Variants in GRID2 observed in about 807,000 individuals in gnomAD.
The protein encoded by GRID2 is glutamate ionotropic receptor delta type subunit 2.
GRID2 carries 33 observed loss-of-function variants against 114.8 expected under a neutral mutation model. That is an observed-to-expected ratio of 0.29 (90% confidence interval 0.22 to 0.38). The LOEUF (loss-of-function observed/expected upper bound fraction) is 0.38, where lower values mean the gene tolerates loss of function less well. GRID2 is among the 10% of genes least tolerant of loss of function. GRID2 has a pLI of 1.00. For missense variants in GRID2, 1,184 were observed against 1,257.7 expected, an observed-to-expected ratio of 0.94 and a Z score of 0.89; for synonymous variants, 505 against 449.9, an observed-to-expected ratio of 1.12 and a Z score of -1.55.
intron 8 of GRID2, among the ~76,000 whole-genome samples, chr4:93,300,334 G>A (rs1345349222): frequency 6.6e-6 from 1 of 152,008 alleles, no homozygotes; most frequent in African/African-American, 2.4e-5. Context: ...AATATATTAG[G>A]GCTGACCCCA....
intron 4 of GRID2, among the ~76,000 whole-genome samples, chr4:93,160,584 T>C (rs935168451): frequency 1.3e-5 from 2 of 151,760 alleles, no homozygotes; most frequent in African/African-American, 4.8e-5. Context: ...CCCTCTCCTC[T>C]GCGAAATCAT....
chr4:92,455,178 A>T (rs890434437), intron 1 of GRID2, among the ~76,000 whole-genome samples: 1 of 152,202 alleles, frequency 6.6e-6, no homozygotes, highest in Non-Finnish European at 1.5e-5. Flanking sequence ...AATAAAAAGG[A>T]TACTTCTAAT....
chr4:93,736,185 A>G (rs1475205022), intron 14 of GRID2, among the ~76,000 whole-genome samples: 2 of 152,032 alleles, frequency 1.3e-5, no homozygotes, highest in Non-Finnish European at 2.9e-5. Context: ...AAAGTTATAC[A>G]TGATGATGAT....
intron 2 of GRID2, among the ~76,000 whole-genome samples, chr4:92,899,507 G>A (rs2149478626): frequency 6.6e-6 from 1 of 152,210 alleles, no homozygotes; most frequent in Admixed American, 6.5e-5. Context: ...GTGCATTCTA[G>A]TTATTCAACA....
At chr4:93,412,609 C>G (rs542289628) in intron 9 of GRID2, among the ~76,000 whole-genome samples, 2 of 151,928 alleles carry the variant, frequency 1.3e-5, no homozygotes, top group African/African-American at 4.8e-5. Context: ...ACTTTAAGTT[C>G]CAGGATACAT....
intron 2 of GRID2, among the ~76,000 whole-genome samples, chr4:92,626,470 G>A (rs1031284649): frequency 6.6e-6 from 1 of 151,920 alleles, no homozygotes; most frequent in Admixed American, 6.6e-5. Context: ...ACAACATAGC[G>A]ATTAAAGGGG....
At chr4:93,038,398 A>G (rs1725131598) in intron 2 of GRID2, among the ~76,000 whole-genome samples, 1 of 152,190 alleles carries the variant, frequency 6.6e-6, no homozygotes, top group Admixed American at 6.5e-5. Flanking sequence ...GCCAACAAAC[A>G]TATGAAAAAG....
At chr4:93,282,327 A>G in intron 8 of GRID2, 1 of 417,548 alleles carries the variant, frequency 2.4e-6, no homozygotes, top group Non-Finnish European at 4.8e-6. Flanking sequence ...GCTATGACAG[A>G]ATACCAGAGA....
intron 1 of GRID2, among the ~76,000 whole-genome samples, chr4:92,445,155 G>A (rs1733384701): frequency 6.6e-6 from 1 of 152,146 alleles, no homozygotes; most frequent in South Asian, 2.1e-4. Context: ...ATTTGATCTT[G>A]TTAACAGTGC....
At chr4:93,486,954 TG>T in intron 11 of GRID2, among the ~76,000 whole-genome samples, 1 of 151,804 alleles carries the variant, frequency 6.6e-6, no homozygotes, top group Non-Finnish European at 1.5e-5. Flanking sequence ...GTAAGACCAC[TG>T]GCCTTACATT....
In GRID2 at chr4:92,427,079, G is replaced by C. The variant is rs115898918; in HGVS notation, c.88+122335G>C. 3.2e-3 allele frequency among the ~76,000 whole-genome samples: 483 copies of C among 152,034 alleles called. 4 individuals carry two copies. Among genetic ancestry groups the C allele is most frequent in the African/African-American group, 0.011 (446 of 41,410 alleles). ...TATTAAATAGTGGACTTGAATTCAGGCTTTTATGTGTTTGTTCTATTTTTG... is the reference window on the plus strand; with the variant it reads ...TATTAAATAGTGGACTTGAATTCAGCCTTTTATGTGTTTGTTCTATTTTTG... On this transcript the variant is annotated intron_variant, in intron 1 of 15. Coordinates refer to ENST00000282020, the MANE Select transcript of GRID2 (RefSeq NM_001510.4).
At chr4:93,111,814 A>C (rs561438153) in intron 4 of GRID2, 1 of 144,434 alleles carries the variant, frequency 6.9e-6, no homozygotes, top group Non-Finnish European at 1.5e-5. Context: ...GTACTGCTAT[A>C]AAGATTCCAA....
At chr4:93,051,596 A>C (rs1011701960) in intron 2 of GRID2, among the ~76,000 whole-genome samples, 4 of 152,080 alleles carry the variant, frequency 2.6e-5, no homozygotes, top group African/African-American at 9.7e-5. Flanking sequence ...AGATCGCTGA[A>C]GAAGCTATTG....
At chr4:92,811,057 AC>A (rs1435325413) in intron 2 of GRID2, among the ~76,000 whole-genome samples, 3 of 152,156 alleles carry the variant, frequency 2.0e-5, no homozygotes, top group Non-Finnish European at 2.9e-5. Context: ...TGCTGGAACT[AC>A]AGGCATGAAC....
intron 13 of GRID2, among the ~76,000 whole-genome samples, chr4:93,595,523 A>G (rs1560796329): frequency 6.6e-6 from 1 of 152,210 alleles, no homozygotes; most frequent in Non-Finnish European, 1.5e-5. Context: ...GTAAAACTTA[A>G]TGAAACACTG....
intron 1 of GRID2, among the ~76,000 whole-genome samples, chr4:92,355,954 G>A (rs186662308): frequency 5.7e-4 from 85 of 150,230 alleles, no homozygotes; most frequent in African/African-American, 1.9e-3. Flanking sequence ...ATTGTTGAAG[G>A]AGAAAAAAAC....
chr4:93,538,741 A>C (rs1732358112), intron 13 of GRID2, among the ~76,000 whole-genome samples: 1 of 151,854 alleles, frequency 6.6e-6, no homozygotes. Context: ...CATACTCCAA[A>C]ATACTACACC....
At chr4:93,634,194 T>C (rs1721204370) in intron 14 of GRID2, among the ~76,000 whole-genome samples, 1 of 151,978 alleles carries the variant, frequency 6.6e-6, no homozygotes, top group African/African-American at 2.4e-5. Context: ...GAAAACAAAA[T>C]CAGTGAAGGT....
chr4:93,032,797 C>T (rs899559829), intron 2 of GRID2, among the ~76,000 whole-genome samples: 5 of 151,990 alleles, frequency 3.3e-5, no homozygotes, highest in Non-Finnish European at 5.9e-5. Context: ...ATCACATTTC[C>T]CAGAAATGAC....
Sources: gnomAD v4.1 joint callset for allele counts (sites outside exome capture counted in the v4.1 genomes callset) on GRCh38, gnomAD v4.1.1 for gene constraint, MANE v1.5 for transcripts, NCBI Gene and HGNC (gene_info 2026-07-23, HGNC 2026-07-21) for gene names.